Variants in TTN observed in about 807,000 individuals in gnomAD.
TTN encodes the protein connectin.
In TTN, 1,525 loss-of-function variants were observed where a neutral mutation model predicts 3,223.0. That is an observed-to-expected ratio of 0.47 (90% confidence interval 0.45 to 0.49). The LOEUF is 0.49. Ranked by LOEUF, TTN falls within the 20% of genes least tolerant of loss-of-function variation. TTN has a pLI of 0.00. For synonymous variants in TTN, 14,094 were observed against 15,161.0 expected, an observed-to-expected ratio of 0.93 and a Z score of 5.17; for missense variants, 40,786 against 43,424.0, an observed-to-expected ratio of 0.94 and a Z score of 5.40.
In TTN at chr2:178,717,226, T is replaced by G. The variant is rs765512040; in HGVS notation, c.25508A>C (p.Lys8503Thr). 1 of 1,613,712 alleles carries G rather than the reference T, an allele frequency of 6.2e-7. No individual in the cohort carries two copies. Among genetic ancestry groups the G allele is most frequent in the South Asian group, 1.1e-5 (1 of 91,084 alleles). The change falls in exon 88 of 363, where the codon AAG becomes ACG. Residue 8503 changes from lysine to threonine, a missense_variant. Lys to Thr is a moderately conservative substitution (Grantham distance 78). Transcript: ENST00000589042. ...NREIRPGGNYKMTLVENTATL... is the reference protein window; with the variant it reads ...NREIRPGGNYTMTLVENTATL... ...GGCAGTATTTTCTACCAAAGTCATC[T>G]TGTAGTTGCCTCCAGGGCGAATCTC...
intron 226 of TTN, 114 bp from the exon 227 acceptor site, chr2:178,635,829 C>G (rs1459688694): frequency 1.7e-5 from 26 of 1,512,206 alleles, no homozygotes; most frequent in Admixed American, 2.3e-5. Flanking sequence ...CATAATTAAT[C>G]CACTGTAGGA....
Position 178,634,946 on chromosome 2 carries a change from T to C in TTN, c.42025-97A>G. On this transcript the variant is annotated intron_variant, in intron 228 of 362. Transcript: ENST00000589042. The surrounding 1 kb of genome is among the most constrained non-coding windows in gnomAD (Gnocchi z 4.6). Reference sequence around the variant, plus strand: ...ATTTCTATAGAGTTTTAAAAATTACTACTAATAAAAGTAAGCAGAGAATTC... The same window carrying C: ...ATTTCTATAGAGTTTTAAAAATTACCACTAATAAAAGTAAGCAGAGAATTC... The C allele has an allele frequency of 1.4e-6, 2 of 1,433,910 alleles. No homozygotes were observed. The highest frequency in any genetic ancestry group is 1.8e-6 in the Non-Finnish European group (2 of 1,081,166). The allele number at this position is 1,433,910 out of a possible 1,614,324, so 88.8% of individuals were successfully genotyped here. A position where few individuals can be genotyped will look rare whatever the true frequency, so the allele number is the denominator to read the frequency against.
Position 178,592,837 on chromosome 2 carries a change from T to C in TTN, c.59282A>G (p.Asn19761Ser), listed in dbSNP as rs563969986. The C allele has an allele frequency of 3.0e-4, 492 of 1,613,542 alleles. 3 individuals are homozygous for C. In the East Asian group the frequency reaches 0.01, roughly 34 times the overall value. Residue 19761 changes from asparagine to serine, a missense_variant, in exon 300 of 363, where the codon AAT (asparagine) becomes AGT (serine). By Grantham distance (46) the Asn-to-Ser change is conservative. Coordinates refer to ENST00000589042, the MANE Select transcript of TTN (RefSeq NM_001267550.2). ...QTYKFRVLAV[N>S]AAGESDPAHV... Reference sequence around the variant, plus strand: ...AGCTGGATCTGATTCACCAGCTGCATTGACTGCTAACACTCTAAACTTATA... The same window carrying C: ...AGCTGGATCTGATTCACCAGCTGCACTGACTGCTAACACTCTAAACTTATA...
At chr2:178,581,358 C>A (rs1433449535) in intron 316 of TTN, 141 bp downstream of exon 316, 97 of 573,546 alleles carry the variant, frequency 1.7e-4, no homozygotes, top group Non-Finnish European at 3.8e-5. Flanking sequence ...AAAGTACCCA[C>A]CCAGCTCTCC....
intron 213 of TTN, 75 bp from the exon 214 acceptor site, chr2:178,647,539 T>C: frequency 1.4e-6 from 2 of 1,402,426 alleles, no homozygotes; most frequent in South Asian, 2.5e-5. Context: ...AGGCAAAGAA[T>C]GCAGGGGCAA....
rs750598119 is a variant in TTN, at chr2:178,572,395, C to T, written c.73737G>A (p.Lys24579=). ...TACAGCCTTCTTGAAGCTGGTCTAC[C>T]TTCCAGGAAGTCTTGTGGCAGTTTG... is the stretch of plus-strand genomic sequence containing the variant. ...VATNCHKTSW[K]VDQLQEGCSY... is the part of the protein sequence containing the mutation. Residue 24579 remains lysine, a synonymous_variant, in exon 326 of 363, where the codon AAG becomes AAA. Transcript: ENST00000589042. The T allele has an allele frequency of 2.5e-6, 4 of 1,612,972 alleles. No individual in the cohort carries two copies. The highest frequency in any genetic ancestry group is 4.5e-5 in the East Asian group (2 of 44,740).
In TTN at chr2:178,724,262, G is replaced by A; in HGVS notation, c.21113C>T (p.Ser7038Leu). 6.2e-7 allele frequency: 1 copy of A among 1,611,486 alleles called. No individual in the cohort carries two copies. The highest frequency in any genetic ancestry group is 8.5e-7 in the Non-Finnish European group (1 of 1,178,368). Residue 7038 changes from serine (S) to leucine (L), a missense_variant and splice_region_variant, in exon 72 of 363, where the codon TCA becomes TTA. Ser to Leu is a moderately radical substitution (Grantham distance 145, BLOSUM62 -2). Coordinates refer to ENST00000589042, the MANE Select transcript of TTN (RefSeq NM_001267550.2). ...KSSCTAVVDV[S>L]DRAVPPSFTR... ...CAGAAGAAAACAGCAGAACTAACCT[G>A]AAACATCAACCACAGCTGTGCAGCT...
At position 178,593,775 on chromosome 2, in the gene TTN, C is replaced by T. The variant is rs1251770626; in HGVS notation, c.58525G>A (p.Gly19509Ser). 1 of 1,613,162 alleles carries T rather than the reference C, an allele frequency of 6.2e-7. No homozygotes were observed. Among genetic ancestry groups the T allele is most frequent in the South Asian group, 1.1e-5 (1 of 91,056 alleles). ...ISWKPPLDDG[G>S]SKITNYIIEK... Reference sequence around the variant, plus strand: ...ATAATATAATTGGTGATTTTACTGCCTCCATCATCTAAAGGAGGCTTCCAA... The same window carrying T: ...ATAATATAATTGGTGATTTTACTGCTTCCATCATCTAAAGGAGGCTTCCAA... The change falls in exon 298 of 363, where the codon GGC (glycine) becomes AGC (serine). Residue 19509 changes from glycine to serine, a missense_variant. Transcript: ENST00000589042.
At position 178,730,136 on chromosome 2, in the gene TTN, A is replaced by G. The variant is rs748182054; in HGVS notation, c.18264T>C (p.Asn6088=). 1.9e-6 allele frequency: 3 copies of G among 1,613,162 alleles called. No homozygotes were observed. The highest frequency in any genetic ancestry group is 1.1e-5 in the South Asian group (1 of 91,036). The change falls in exon 62 of 363, where the codon AAT becomes AAC. Residue 6088 remains asparagine (N), a synonymous_variant. Transcript: ENST00000589042. The stretch of plus-strand genomic sequence containing the variant: ...CTTTGCTGGTTGCTGTGCCAACATC[A>G]TTGCTTAGTTGGCAAATGTAGGTTC... ...DSGTYICQLS[N]DVGTATSKAT...
chr2:178,784,594 C>A (rs568536020), intron 15 of TTN, among the ~76,000 whole-genome samples: 15 of 152,250 alleles, frequency 9.9e-5, no homozygotes, highest in African/African-American at 3.6e-4. Flanking sequence ...ATTCAGAACT[C>A]CTTATTTTAC....
In TTN at chr2:178,589,668, T is replaced by C. The variant is rs755470129; in HGVS notation, c.62057A>G (p.Tyr20686Cys). Residue 20686 changes from tyrosine (Y) to cysteine (C), a missense_variant, in exon 304 of 363, where the codon TAT (tyrosine) becomes TGT (cysteine). By Grantham distance (194) the Tyr-to-Cys change is radical (BLOSUM62 -2). Transcript: ENST00000589042. The part of the protein sequence containing the change: ...HIADKGKTFV[Y>C]LKWRRPDYDG... ...ATAGTCAGGCCTCCGCCACTTTAGA[T>C]AGACAAATGTCTTTCCTTTATCTGC... 9 of 1,613,404 alleles carry C rather than the reference T, an allele frequency of 5.6e-6. No individual in the cohort carries two copies. The highest frequency in any genetic ancestry group is 5.3e-5 in the African/African-American group (4 of 74,902).
intron 15 of TTN, 44 bp downstream of exon 15, chr2:178,785,576 T>C (rs374954033): frequency 1.2e-6 from 2 of 1,612,646 alleles, no homozygotes; most frequent in African/African-American, 2.7e-5. Flanking sequence ...GTTAGATACT[T>C]ATTTCCTTTA....
intron 29 of TTN, 189 bp downstream of exon 29, chr2:178,774,732 A>T (rs2092002519): frequency 1.3e-6 from 1 of 794,104 alleles, no homozygotes; most frequent in South Asian, 2.0e-5. Context: ...ATACTACTTT[A>T]AAAAATCCAA....
In TTN at chr2:178,580,585, G is replaced by T. The variant is rs750836266; in HGVS notation, c.66794C>A (p.Ala22265Glu). 1.9e-6 allele frequency: 3 copies of T among 1,610,346 alleles called. No individual in the cohort carries two copies. The highest frequency in any genetic ancestry group is 2.2e-5 in the East Asian group (1 of 44,600). ...TAATATGAGTGTCTTCCTTAAGTCC[G>T]CATCAAGTTCTCCCTCAGGTGGAAC... The part of the protein sequence containing the change: ...ILIPPEGELD[A>E]DLRKTLILRA... Residue 22265 changes from alanine (A) to glutamate (E), a missense_variant, in exon 317 of 363, where the codon GCG becomes GAG. Transcript: ENST00000589042.
In TTN at chr2:178,621,038, G is replaced by A. The variant is rs1485679201; in HGVS notation, c.45617-45C>T. ...CTTTATAGTATGAATAATGATCAAA[G>A]TGGTAAATACAAATACAAAACAAAC... On this transcript the variant is annotated intron_variant, in intron 246 of 362. Transcript: ENST00000589042. 1.9e-6 allele frequency: 3 copies of A among 1,604,440 alleles called. No homozygotes were observed. The Admixed American group carries it at 5.2e-5, about 28-fold the overall frequency.
rs767516936 is a variant in TTN, at chr2:178,533,998, G to A, written c.102617C>T (p.Thr34206Ile). The A allele has an allele frequency of 6.2e-7, 1 of 1,613,888 alleles. No homozygotes were observed. Among genetic ancestry groups the A allele is most frequent in the South Asian group, 1.1e-5 (1 of 91,076 alleles). The change falls in exon 358 of 363, where the codon ACC becomes ATC. Residue 34206 changes from threonine to isoleucine, a missense_variant. By Grantham distance (89) the Thr-to-Ile change is moderately conservative. Coordinates refer to ENST00000589042, the MANE Select transcript of TTN (RefSeq NM_001267550.2). ...GTCATTGACTACTTTGCATCTGTAG[G>A]TACCATCATCTAATTTGGTAATGTC... ...VKDITKLDDG[T>I]YRCKVVNDYG...
At position 178,712,032 on chromosome 2, in the gene TTN, C is replaced by T. The variant is rs543197876; in HGVS notation, c.27798G>A (p.Gln9266=). 2 of 1,613,776 alleles carry T rather than the reference C, an allele frequency of 1.2e-6. No homozygotes were observed. The highest frequency in any genetic ancestry group is 1.7e-5 in the Admixed American group (1 of 60,004). ...ATTCTCCACTATCATTAATATCAAC[C>T]TGGTTGAAAACCAGTGTAGCAACAT... ...RNNVATLVFN[Q]VDINDSGEYI... Residue 9266 remains glutamine, a synonymous_variant, in exon 96 of 363, where the codon CAG becomes CAA. Transcript: ENST00000589042.
Position 178,617,966 on chromosome 2 carries a change from A to AAG in TTN, c.47384_47385insCT (p.Glu15796LeufsTer3). The AAG allele has an allele frequency of 1.2e-6, 2 of 1,612,608 alleles. No individual in the cohort carries two copies. Among genetic ancestry groups the AAG allele is most frequent in the Non-Finnish European group, 1.7e-6 (2 of 1,179,094 alleles). ...TGATAGAAGTCTTGTCTCTTAATTCAATGACGTAGTTTGTGATCTCAGCAC... is the reference window on the plus strand; with the variant it reads ...TGATAGAAGTCTTGTCTCTTAATTCAAGATGACGTAGTTTGTGATCTCAGCAC... On this transcript the variant is annotated frameshift_variant, in exon 253 of 363. Transcript: ENST00000589042. LOFTEE classifies it high-confidence loss of function.
intron 335 of TTN, 37 bp downstream of exon 335, chr2:178,551,593 T>C (rs778783899): frequency 1.3e-6 from 2 of 1,489,452 alleles, no homozygotes; most frequent in East Asian, 2.3e-5. Context: ...ATATGTTCAA[T>C]TGCTAAACTA....
Sources: allele counts gnomAD v4.1 joint callset (sites outside exome capture counted in the v4.1 genomes callset), GRCh38; gene constraint gnomAD v4.1.1; non-coding constraint Gnocchi (gnomAD v3.1); transcripts MANE v1.5; gene names NCBI Gene and HGNC (gene_info 2026-07-23, HGNC 2026-07-21).